The following NDST4 variants were observed in gnomAD, a reference collection of about 807,000 sequenced individuals.
NDST4 encodes N-deacetylase and N-sulfotransferase 4.
NDST4 carries 63 observed loss-of-function variants against 100.8 expected under a neutral mutation model. That is an observed-to-expected ratio of 0.62 (90% CI 0.51 to 0.77). The LOEUF is 0.77. NDST4 is among the 30% of genes least tolerant of loss of function. NDST4 has a pLI of 0.00. For synonymous variants in NDST4, 377 were observed against 361.8 expected (o/e 1.04, Z -0.48); for missense variants, 943 against 1,018.4 (o/e 0.93, Z 1.01).
intron 4 of NDST4, among the ~76,000 whole-genome samples, chr4:114,952,967 T>G (rs1201892644): frequency 6.6e-6 from 1 of 151,906 alleles, no homozygotes; most frequent in Non-Finnish European, 1.5e-5. Flanking sequence ...ACCTGTGCTG[T>G]GACCAAAAAA....
chr4:114,972,045 T>G lies in NDST4; in HGVS notation c.1067-1461A>C, dbSNP rs2126241591. On this transcript the variant is annotated intron_variant, in intron 3 of 13. Coordinates refer to ENST00000264363, the MANE Select transcript of NDST4 (RefSeq NM_022569.3). ...TTTTGAATATACCTTAAAAATTCTA[T>G]CTATTGCTTTGTATTTGCTGTGTTT... 2.0e-5 allele frequency among the ~76,000 whole-genome samples: 3 copies of G among 152,064 alleles called. 1 individual carries two copies. The Middle Eastern group carries it at 0.01, about 517-fold the overall frequency.
rs775352211 is a variant in NDST4 at position 115,065,976 on chromosome 4, GT to G, written c.978+10082del. 3.3e-5 allele frequency among the ~76,000 whole-genome samples: 5 copies of G among 152,130 alleles called. No homozygotes were observed. In the East Asian group the frequency reaches 5.8e-4, roughly 18 times the overall value. The stretch of plus-strand genomic sequence containing the variant: ...GCTAGCTTTGCTACAGTTCTGTCCA[GT>G]GATCGCAGAAGACTCAAATACCGCA... On this transcript the variant is annotated intron_variant, in intron 2 of 13. Coordinates refer to ENST00000264363, the MANE Select transcript of NDST4 (RefSeq NM_022569.3).
At chr4:115,013,033 G>C (rs1727588325) in intron 2 of NDST4, among the ~76,000 whole-genome samples, 1 of 146,978 alleles carries the variant, frequency 6.8e-6, no homozygotes, top group Non-Finnish European at 1.5e-5. Flanking sequence ...ACAGAGGGTA[G>C]AATTATGGTT....
intron 6 of NDST4, among the ~76,000 whole-genome samples, chr4:114,909,603 T>C (rs1725022293): frequency 7.1e-6 from 1 of 141,818 alleles, no homozygotes; most frequent in Non-Finnish European, 1.5e-5. Flanking sequence ...GAGCTTGCAG[T>C]GAGCCGAGAT....
Position 114,839,466 on chromosome 4 carries a change from T to A in NDST4, c.2198A>T (p.Asp733Val). The A allele has an allele frequency of 6.2e-7, 1 of 1,614,008 alleles. No homozygotes were observed. Among genetic ancestry groups the A allele is most frequent in the East Asian group, 2.2e-5 (1 of 44,850 alleles). Residue 733 changes from aspartate to valine, a missense_variant, in exon 11 of 14, where the codon GAC (aspartate) becomes GTC (valine). By Grantham distance (152) the Asp-to-Val change is radical (BLOSUM62 -3). This residue lies in a region of NDST4 where 526 missense variants were observed against 634.1 expected (regional missense o/e 0.83). Coordinates refer to ENST00000264363, the MANE Select transcript of NDST4 (RefSeq NM_022569.3). ...GCATCTTCTCTGCAAAGTTTTTAAG[T>A]CAGATGGAGCCCAATGTCCTGTTGA... ...VISTGHWAPS[D>V]LKTLQRRCLV...
At chr4:115,108,569 TATC>T (rs1481285943) in intron 1 of NDST4, among the ~76,000 whole-genome samples, 1 of 151,956 alleles carries the variant, frequency 6.6e-6, no homozygotes, top group Non-Finnish European at 1.5e-5. Context: ...TATTTATTAT[TATC>T]ATTTTATTTT....
At chr4:114,942,453 C>T (rs1028686243) in intron 4 of NDST4, among the ~76,000 whole-genome samples, 2 of 152,168 alleles carry the variant, frequency 1.3e-5, no homozygotes, top group South Asian at 2.1e-4. Context: ...ATATCCTTGA[C>T]ACGAACATCT....
At chr4:115,006,031 CAA>C (rs33988343) in intron 2 of NDST4, among the ~76,000 whole-genome samples, 1,677 of 99,478 alleles carry the variant, frequency 0.017, 5 homozygotes, top group Middle Eastern at 0.08. Context: ...GACTCTATCT[CAA>C]AAAAAAAAAA....
chr4:114,981,212 AGGAT>A (rs1167399248), intron 2 of NDST4, among the ~76,000 whole-genome samples: 15 of 125,268 alleles, frequency 1.2e-4, no homozygotes, highest in Non-Finnish European at 2.3e-4. Flanking sequence ...AGAAGAAGAA[AGGAT>A]GGAAGGAAGG....
chr4:114,913,987 T>C (rs1191657145), intron 6 of NDST4, among the ~76,000 whole-genome samples: 1 of 152,050 alleles, frequency 6.6e-6, no homozygotes, highest in Non-Finnish European at 1.5e-5. Flanking sequence ...AACAACAAAG[T>C]ACTATTCAAC....
At chr4:114,842,790 G>A (rs935998838) in intron 10 of NDST4, 1 of 153,050 alleles carries the variant, frequency 6.5e-6, no homozygotes, top group Non-Finnish European at 1.5e-5. Context: ...GACAGAGTGA[G>A]ACTCCATTAA....
chr4:114,882,098 A>G (rs1342816633), intron 6 of NDST4, among the ~76,000 whole-genome samples: 1 of 151,474 alleles, frequency 6.6e-6, no homozygotes, highest in African/African-American at 2.4e-5. Context: ...TTTCTCACAC[A>G]TGTTTACTCT....
At chr4:114,890,114 A>G (rs1724562216) in intron 6 of NDST4, among the ~76,000 whole-genome samples, 1 of 133,502 alleles carries the variant, frequency 7.5e-6, no homozygotes, top group African/African-American at 3.9e-5. Flanking sequence ...TGAGTAGTTA[A>G]CCATGGAAAT....
At chr4:114,979,571 A>C (rs1030683042) in intron 2 of NDST4, among the ~76,000 whole-genome samples, 1 of 151,904 alleles carries the variant, frequency 6.6e-6, no homozygotes, top group Admixed American at 6.6e-5. Flanking sequence ...AACATAGTTC[A>C]TGGGCCATAC....
At chr4:114,988,194 G>A (rs1726953540) in intron 2 of NDST4, among the ~76,000 whole-genome samples, 1 of 151,614 alleles carries the variant, frequency 6.6e-6, no homozygotes, top group Non-Finnish European at 1.5e-5. Flanking sequence ...TTCTTGCTGA[G>A]AAATCATGAA....
intron 2 of NDST4, among the ~76,000 whole-genome samples, chr4:115,026,243 TGTGTTA>T (rs2126267604): frequency 6.6e-6 from 1 of 152,228 alleles, no homozygotes; most frequent in East Asian, 1.9e-4. Flanking sequence ...TCTCAAAAAA[TGTGTTA>T]TAAGAAGGAA....
intron 2 of NDST4, among the ~76,000 whole-genome samples, chr4:115,040,391 C>A (rs1299562980): frequency 3.3e-5 from 5 of 149,742 alleles, no homozygotes; most frequent in Non-Finnish European, 5.9e-5. Context: ...AAGATTTTAT[C>A]AATAATCACA....
intron 4 of NDST4, among the ~76,000 whole-genome samples, chr4:114,958,860 C>T (rs1327595442): frequency 6.6e-6 from 1 of 152,140 alleles, no homozygotes; most frequent in Non-Finnish European, 1.5e-5. Flanking sequence ...CTCTGCTTCC[C>T]TTTTAAATAT....
chr4:114,890,131 T>C (rs112736831), intron 6 of NDST4, among the ~76,000 whole-genome samples: 4,600 of 151,056 alleles, frequency 0.03, 244 homozygotes, highest in African/African-American at 0.11. Context: ...AAATTGTTAG[T>C]AGTTAACAAT....
Sources: allele counts gnomAD v4.1 joint callset (sites outside exome capture counted in the v4.1 genomes callset), GRCh38; gene constraint gnomAD v4.1.1; regional missense constraint gnomAD v4.1.1; transcripts MANE v1.5; gene names NCBI Gene and HGNC (gene_info 2026-07-23, HGNC 2026-07-21).